The following GLIS3 variants were observed in gnomAD, a reference collection of about 807,000 sequenced individuals.
GLIS3 encodes the protein GLIS family zinc finger 3, also known as zinc finger protein GLIS3.
A neutral mutation model predicts 78.6 loss-of-function variants in GLIS3; 53 were observed. The observed-to-expected ratio is 0.67, with a 90% CI of 0.54 to 0.85. GLIS3 has a LOEUF of 0.85. Among genes scored for constraint, GLIS3 ranks in the 40% least tolerant of loss-of-function variants. GLIS3 has a pLI of 0.00. For missense variants in GLIS3, 1,703 were observed against 1,231.1 expected (o/e 1.38, Z -5.74); for synonymous variants, 684 against 509.9 (o/e 1.34, Z -4.60).
intron 4 of GLIS3, among the ~76,000 whole-genome samples, chr9:3,972,327 C>T (rs1309266631): frequency 6.6e-6 from 1 of 152,162 alleles, no homozygotes; most frequent in Non-Finnish European, 1.5e-5. Flanking sequence ...TAACTTCAAA[C>T]GTCCCTCATT....
At chr9:4,346,515 G>A (rs969358682) in intron 2 of GLIS3, among the ~76,000 whole-genome samples, 3 of 152,158 alleles carry the variant, frequency 2.0e-5, no homozygotes, top group Non-Finnish European at 4.4e-5. Flanking sequence ...TTATTCATAA[G>A]TGTGGCCATT....
chr9:4,315,807 C>T (rs1817429471), intron 2 of GLIS3, among the ~76,000 whole-genome samples: 1 of 152,020 alleles, frequency 6.6e-6, no homozygotes, highest in South Asian at 2.1e-4. Flanking sequence ...GGCGCCCGTT[C>T]CCCAGCATTA....
At chr9:3,847,076 C>A (rs911570066) in intron 9 of GLIS3, among the ~76,000 whole-genome samples, 2 of 151,974 alleles carry the variant, frequency 1.3e-5, no homozygotes, top group African/African-American at 4.8e-5. Flanking sequence ...CTCAGGTACT[C>A]GGGAGGCTGA....
At chr9:4,219,674 C>T (rs1168003952) in intron 2 of GLIS3, among the ~76,000 whole-genome samples, 1 of 152,124 alleles carries the variant, frequency 6.6e-6, no homozygotes, top group African/African-American at 2.4e-5. Context: ...CTATTCTGAG[C>T]ATCTTTCAAT....
chr9:3,985,427 T>A (rs1430708991), intron 4 of GLIS3, among the ~76,000 whole-genome samples: 1 of 152,154 alleles, frequency 6.6e-6, no homozygotes, highest in East Asian at 1.9e-4. Flanking sequence ...GGATTACAGG[T>A]GTAAGCCACT....
At position 3,830,002 on chromosome 9, in the gene GLIS3, T is replaced by C. The variant is rs994926098; in HGVS notation, c.2474-510A>G. Among the ~76,000 whole-genome samples, 19 of 152,218 alleles carry C rather than the reference T, an allele frequency of 1.2e-4. 1 individual carries two copies. The highest frequency in any genetic ancestry group is 4.3e-4 in the African/African-American group (18 of 41,442). ...CACATTTAGATCTTATTATCCTGGC[T>C]AGGTAGACAGTGTTCCATAGTTGGA... On this transcript the variant is annotated intron_variant, in intron 9 of 10. Coordinates refer to ENST00000381971, the MANE Select transcript of GLIS3 (RefSeq NM_001042413.2).
chr9:4,350,811 TTTTG>T (rs939529049), upstream of GLIS3, among the ~76,000 whole-genome samples: 2 of 139,040 alleles, frequency 1.4e-5, no homozygotes, highest in African/African-American at 5.3e-5. Flanking sequence ...TTTGTTTTGT[TTTTG>T]TTTTTGTTTG....
intron 7 of GLIS3, among the ~76,000 whole-genome samples, chr9:3,896,669 T>TGAAAAAAAAAAAAAAAA (rs1822858216): frequency 1.8e-3 from 1 of 556 alleles, no homozygotes. Flanking sequence ...CCCATCTCAA[T>TGAAAAAAAAAAAAAAAA]TAAAAAAAAA....
At chr9:3,929,539 C>A (rs1289740043) in intron 6 of GLIS3, among the ~76,000 whole-genome samples, 1 of 152,062 alleles carries the variant, frequency 6.6e-6, no homozygotes. Context: ...GGCCCCGATT[C>A]CACAGTAGGA....
chr9:4,468,323 C>A, the GLIS3 span, among the ~76,000 whole-genome samples: 1 of 152,096 alleles, frequency 6.6e-6, no homozygotes, highest in African/African-American at 2.4e-5. Flanking sequence ...AACTCCAAGA[C>A]ACATAATTGT....
intron 2 of GLIS3, among the ~76,000 whole-genome samples, chr9:4,320,392 T>TG (rs1374312165): frequency 6.6e-6 from 1 of 152,182 alleles, no homozygotes; most frequent in Non-Finnish European, 1.5e-5. Context: ...CAGTTCACCA[T>TG]GCCTCAAACT....
At chr9:4,240,092 T>C (rs1013228143) in intron 2 of GLIS3, among the ~76,000 whole-genome samples, 4 of 151,600 alleles carry the variant, frequency 2.6e-5, no homozygotes, top group African/African-American at 4.8e-5. Flanking sequence ...ACATATTTTA[T>C]CCTTCTTACA....
Position 3,824,817 on chromosome 9 carries a change from C to T in GLIS3, c.*3455G>A, listed in dbSNP as rs1188644798. The T allele has an allele frequency of 6.6e-6, 1 of 151,134 alleles. No homozygotes were observed. Among genetic ancestry groups the T allele is most frequent in the African/African-American group, 2.4e-5 (1 of 40,894 alleles). 9.4% of individuals were successfully genotyped at this position (151,134 alleles called of 1,614,324 possible). ...TTTTTTCCCCCAAAGTGCTTTATGTCAGCAACATTACACAGGATACTTTGC... is the reference window on the plus strand; with the variant it reads ...TTTTTTCCCCCAAAGTGCTTTATGTTAGCAACATTACACAGGATACTTTGC... On this transcript the variant is annotated 3_prime_UTR_variant, in exon 11 of 11. Transcript: ENST00000381971.
At chr9:3,867,049 G>A (rs1563792970) in intron 8 of GLIS3, among the ~76,000 whole-genome samples, 1 of 152,188 alleles carries the variant, frequency 6.6e-6, no homozygotes, top group African/African-American at 2.4e-5. Context: ...AGATGTGAGA[G>A]TGTTTGGGAA....
At chr9:4,359,852 C>T in the GLIS3 span, among the ~76,000 whole-genome samples, 1 of 151,884 alleles carries the variant, frequency 6.6e-6, no homozygotes, top group East Asian at 1.9e-4. Flanking sequence ...AAGCGGGCAC[C>T]AATATATGTA....
intron 2 of GLIS3, among the ~76,000 whole-genome samples, chr9:4,271,089 G>T (rs1826469397): frequency 6.6e-6 from 1 of 151,952 alleles, no homozygotes; most frequent in Non-Finnish European, 1.5e-5. Flanking sequence ...TGAGAATGAA[G>T]AATTTTATGA....
chr9:4,191,573 T>C (rs967736601), intron 2 of GLIS3, among the ~76,000 whole-genome samples: 17 of 152,236 alleles, frequency 1.1e-4, no homozygotes, highest in African/African-American at 3.9e-4. Context: ...TGTCTTATTC[T>C]TCCTCTTCAA....
In GLIS3 at chr9:4,090,931, T is replaced by G. The variant is rs1312084638; in HGVS notation, c.1710+26837A>C. Among the ~76,000 whole-genome samples, 3 of 152,318 alleles carry G rather than the reference T, an allele frequency of 2.0e-5. No homozygotes were observed. In the East Asian group the frequency reaches 5.8e-4, roughly 29 times the overall value. Reference sequence around the variant, plus strand: ...GGTTCTAGAATCTGACTGCAAACCCTGGCTCAGCCATTTTCTAACTTAGGT... The same window carrying G: ...GGTTCTAGAATCTGACTGCAAACCCGGGCTCAGCCATTTTCTAACTTAGGT... On this transcript the variant is annotated intron_variant, in intron 4 of 10. Coordinates refer to ENST00000381971, the MANE Select transcript of GLIS3 (RefSeq NM_001042413.2).
In GLIS3 at chr9:4,343,548, C is replaced by A. The variant is rs1001284504; in HGVS notation, n.264+3533G>T. Among the ~76,000 whole-genome samples, 40 of 152,182 alleles carry A rather than the reference C, an allele frequency of 2.6e-4. 2 individuals carry two copies. Among genetic ancestry groups the A allele is most frequent in the Admixed American group, 2.2e-3 (33 of 15,286 alleles). ...AAAACTGAACTACCATTCAACCCAG[C>A]AATCCCATTACTTGGTATATGCCTA... On this transcript the variant is annotated intron_variant and non_coding_transcript_variant, in intron 2 of 4. Transcript: ENST00000471664.
Sources: gnomAD v4.1 joint callset for allele counts (sites outside exome capture counted in the v4.1 genomes callset) on GRCh38, gnomAD v4.1.1 for gene constraint, MANE v1.5 for transcripts, NCBI Gene and HGNC (gene_info 2026-07-23, HGNC 2026-07-21) for gene names.